The following ITGA9 variants were observed in gnomAD, a reference collection of about 807,000 sequenced individuals.
ITGA9 encodes the protein integrin alpha-9.
ITGA9 carries 56 observed loss-of-function variants against 127.8 expected under a neutral mutation model. The ratio of observed to expected loss-of-function variants is 0.44; its 90% CI spans 0.35 to 0.55. The LOEUF is 0.55. ITGA9 is among the 20% of genes least tolerant of loss of function. The pLI is 0.00. For missense variants in ITGA9, 1,196 were observed against 1,347.1 expected (o/e 0.89, Z 1.76); for synonymous variants, 508 against 514.5 (o/e 0.99, Z 0.17).
intron 15 of ITGA9, among the ~76,000 whole-genome samples, chr3:37,594,769 A>G (rs1699853234): frequency 6.6e-6 from 1 of 152,194 alleles, no homozygotes; most frequent in Admixed American, 6.5e-5. Context: ...AATAAGTGCC[A>G]TATGGTGGGT....
At chr3:37,601,424 C>T (rs1443482361) in intron 15 of ITGA9, among the ~76,000 whole-genome samples, 1 of 152,154 alleles carries the variant, frequency 6.6e-6, no homozygotes, top group Non-Finnish European at 1.5e-5. Flanking sequence ...TCCTTTGTCT[C>T]CCCAGGTGTT....
At chr3:37,737,744 G>A (rs897751881) in intron 20 of ITGA9, among the ~76,000 whole-genome samples, 1 of 152,144 alleles carries the variant, frequency 6.6e-6, no homozygotes, top group African/African-American at 2.4e-5. Flanking sequence ...GACACCCAAG[G>A]CAACCTTTTC....
intron 18 of ITGA9, among the ~76,000 whole-genome samples, chr3:37,717,499 C>G (rs546047758): frequency 6.6e-6 from 1 of 152,106 alleles, no homozygotes; most frequent in South Asian, 2.1e-4. Flanking sequence ...ACAGGAAGCA[C>G]GACTAGGAGG....
At chr3:37,800,810 G>A (rs1697227480) in intron 26 of ITGA9, among the ~76,000 whole-genome samples, 1 of 152,196 alleles carries the variant, frequency 6.6e-6, no homozygotes, top group African/African-American at 2.4e-5. Context: ...GAGGAATACT[G>A]TACAGCAGTG....
chr3:37,789,568 G>GA (rs1697081487), intron 26 of ITGA9, among the ~76,000 whole-genome samples: 1 of 150,076 alleles, frequency 6.7e-6, no homozygotes, highest in Non-Finnish European at 1.5e-5. Flanking sequence ...GACCATCCTG[G>GA]CTAACGTGGT....
intron 1 of ITGA9, among the ~76,000 whole-genome samples, chr3:37,461,006 T>C (rs911741783): frequency 1.3e-5 from 2 of 152,126 alleles, no homozygotes; most frequent in Non-Finnish European, 2.9e-5. Context: ...CCTTCCTATC[T>C]AGTGTCCAAG....
At chr3:37,755,795 A>T (rs2125540390) in intron 23 of ITGA9, among the ~76,000 whole-genome samples, 1 of 152,190 alleles carries the variant, frequency 6.6e-6, no homozygotes, top group East Asian at 1.9e-4. Flanking sequence ...AATGAAAGCA[A>T]GTCAAGATTC....
At chr3:37,632,425 A>G (rs936475668) in intron 16 of ITGA9, among the ~76,000 whole-genome samples, 1 of 152,208 alleles carries the variant, frequency 6.6e-6, no homozygotes, top group African/African-American at 2.4e-5. Context: ...CTAAAAGACA[A>G]GTAGAAAAGA....
At chr3:37,596,416 T>G (rs1699871422) in intron 15 of ITGA9, among the ~76,000 whole-genome samples, 1 of 152,134 alleles carries the variant, frequency 6.6e-6, no homozygotes, top group South Asian at 2.1e-4. Flanking sequence ...TTTTCCGACC[T>G]GAGCCCCTTG....
intron 7 of ITGA9, 65 bp from the exon 8 acceptor site, chr3:37,508,494 G>C: frequency 7.5e-7 from 1 of 1,336,754 alleles, no homozygotes. Context: ...TCCCAGGAGA[G>C]TGCTGATAAA....
chr3:37,754,138 T>G (rs1696622691), intron 23 of ITGA9: 1 of 152,096 alleles, frequency 6.6e-6, no homozygotes. Flanking sequence ...GGTCTAAGAT[T>G]GCACCAAGAT....
intron 8 of ITGA9, among the ~76,000 whole-genome samples, chr3:37,513,392 C>A (rs1430787403): frequency 6.6e-6 from 1 of 152,106 alleles, no homozygotes; most frequent in African/African-American, 2.4e-5. Flanking sequence ...GTTTAGGGGG[C>A]AGCATAGCCA....
chr3:37,622,262 G>A (rs1223363203), intron 15 of ITGA9, among the ~76,000 whole-genome samples: 1 of 149,724 alleles, frequency 6.7e-6, no homozygotes, highest in Non-Finnish European at 1.5e-5. Flanking sequence ...TAATTTTTTT[G>A]TATTTTTTAG....
chr3:37,533,772 T>C (rs1450968710), intron 14 of ITGA9, among the ~76,000 whole-genome samples: 2 of 152,200 alleles, frequency 1.3e-5, no homozygotes, highest in African/African-American at 2.4e-5. Flanking sequence ...GGTGGAGATA[T>C]AGTGCCCGGA....
At chr3:37,585,712 CT>C in intron 15 of ITGA9, 1 of 496,186 alleles carries the variant, frequency 2.0e-6, no homozygotes, top group South Asian at 1.4e-5. Context: ...AATTGCCTTA[CT>C]TTATTTGCGA....
chr3:37,559,367 A>G (rs1699463740), intron 15 of ITGA9, among the ~76,000 whole-genome samples: 1 of 152,164 alleles, frequency 6.6e-6, no homozygotes. Flanking sequence ...CCTTGGGTAT[A>G]AATCTAATGT....
intron 24 of ITGA9, among the ~76,000 whole-genome samples, chr3:37,777,845 AC>A (rs1559595780): frequency 6.6e-6 from 1 of 152,238 alleles, no homozygotes; most frequent in East Asian, 1.9e-4. Flanking sequence ...ATCTACTAAA[AC>A]AAAACGTGTG....
Position 37,519,312 on chromosome 3 carries a change from C to T in ITGA9, c.1194C>T (p.Ile398=). ...ATGACTTCGCAGGGGCGGTCTATATCTATCATGGTGATGCCGGTGGGATAG... is the reference window on the plus strand; with the variant it reads ...ATGACTTCGCAGGGGCGGTCTATATTTATCATGGTGATGCCGGTGGGATAG... ...KEDDFAGAVY[I]YHGDAGGIVP... Residue 398 remains isoleucine, a synonymous_variant, in exon 11 of 28, where the codon ATC becomes ATT. Transcript: ENST00000264741. 3 of 1,614,156 alleles carry T rather than the reference C, an allele frequency of 1.9e-6. No homozygotes were observed. Among genetic ancestry groups the T allele is most frequent in the Non-Finnish European group, 2.5e-6 (3 of 1,179,988 alleles).
rs759716131 is a variant in ITGA9, at chr3:37,822,717, C to T, written c.*3728C>T. The T allele has an allele frequency of 1.3e-5, 2 of 152,228 alleles. No individual in the cohort carries two copies. The highest frequency in any genetic ancestry group is 2.4e-5 in the African/African-American group (1 of 41,456). 9.4% of individuals were successfully genotyped at this position (152,228 alleles called of 1,614,324 possible). A position where few individuals can be genotyped will look rare whatever the true frequency, so the allele number is the denominator to read the frequency against. On this transcript the variant is annotated 3_prime_UTR_variant, in exon 28 of 28. Coordinates refer to ENST00000264741, the MANE Select transcript of ITGA9 (RefSeq NM_002207.3). ...TCCATGCGGAAGCATAGCAGATCCC[C>T]AGACGATCCGTGTGCTGTATGCTAC... is the stretch of plus-strand genomic sequence containing the variant.
Sources: gnomAD v4.1 joint callset for allele counts (sites outside exome capture counted in the v4.1 genomes callset) on GRCh38, gnomAD v4.1.1 for gene constraint, MANE v1.5 for transcripts, NCBI Gene and HGNC (gene_info 2026-07-23, HGNC 2026-07-21) for gene names.